Variants in LIMD1 observed in about 807,000 individuals in gnomAD.
LIMD1 encodes the protein LIM domain containing 1.
In LIMD1, 23 loss-of-function variants were observed where a neutral mutation model predicts 58.4. That is an observed-to-expected ratio of 0.39 (90% CI 0.28 to 0.56). The LOEUF is 0.56. Ranked by LOEUF, LIMD1 falls within the 20% of genes least tolerant of loss-of-function variation. LIMD1 has a pLI of 0.57. For missense variants in LIMD1, 838 were observed against 855.5 expected, an observed-to-expected ratio of 0.98 and a Z score of 0.25; for synonymous variants, 334 against 345.5, an observed-to-expected ratio of 0.97 and a Z score of 0.37.
At chr3:45,600,710 C>T (rs916703163) in intron 1 of LIMD1, among the ~76,000 whole-genome samples, 3 of 152,136 alleles carry the variant, frequency 2.0e-5, no homozygotes, top group South Asian at 2.1e-4. Flanking sequence ...TGTGCCCCAC[C>T]GTCTCCTCCA....
At position 45,595,513 on chromosome 3, in the gene LIMD1, C is replaced by T. The variant is rs751011010; in HGVS notation, c.634C>T (p.Pro212Ser). 6.2e-7 allele frequency: 1 copy of T among 1,613,942 alleles called. No individual in the cohort carries two copies. The highest frequency in any genetic ancestry group is 2.2e-5 in the East Asian group (1 of 44,862). ...LSVGSGWPSS[P>S]GSDPPLPKPC... ...TGTAGGGAGTGGGTGGCCTAGCTCC[C>T]CGGGGAGTGACCCACCACTGCCCAA... The change falls in exon 1 of 8, where the codon CCG (proline) becomes TCG (serine). Residue 212 changes from proline to serine, a missense_variant. Pro to Ser is a moderately conservative substitution (Grantham distance 74, BLOSUM62 -1). Transcript: ENST00000273317.
rs955359257 is a variant in LIMD1, at chr3:45,674,280, A to C, written c.1825-63A>C. ...CTCTTCCCTCCCCACCCCACGGTACATCAAGCCCGACAGCCCCCCTAACAG... is the reference window on the plus strand; with the variant it reads ...CTCTTCCCTCCCCACCCCACGGTACCTCAAGCCCGACAGCCCCCCTAACAG... On this transcript the variant is annotated intron_variant, in intron 6 of 7. Coordinates refer to ENST00000273317, the MANE Select transcript of LIMD1 (RefSeq NM_014240.3). 10 of 1,359,478 alleles carry C rather than the reference A, an allele frequency of 7.4e-6. No homozygotes were observed. The African/African-American group carries it at 1.4e-4, about 19-fold the overall frequency. The allele number at this position is 1,359,478 out of a possible 1,614,324, so 84.2% of individuals were successfully genotyped here.
chr3:45,595,813 C>T lies in LIMD1; in HGVS notation c.934C>T (p.Pro312Ser), dbSNP rs761635962. 1.2e-6 allele frequency: 2 copies of T among 1,614,162 alleles called. No individual in the cohort carries two copies. The highest frequency in any genetic ancestry group is 2.2e-5 in the South Asian group (2 of 91,090). ...GAGCTGCCCCAGGCAAGGAGGTCTT[C>T]CAAGATCAAACTCGGGGCTGGGGGG... ...ALSCPRQGGL[P>S]RSNSGLGGEV... is the part of the protein sequence containing the mutation. Residue 312 changes from proline (P) to serine (S), a missense_variant, in exon 1 of 8, where the codon CCA (proline) becomes TCA (serine). This residue lies in a region of LIMD1 where 659 missense variants were observed against 639.8 expected (regional missense o/e 1.03). Coordinates refer to ENST00000273317, the MANE Select transcript of LIMD1 (RefSeq NM_014240.3).
At chr3:45,631,088 C>T (rs1368315855) in intron 1 of LIMD1, among the ~76,000 whole-genome samples, 1 of 152,112 alleles carries the variant, frequency 6.6e-6, no homozygotes, top group African/African-American at 2.4e-5. Flanking sequence ...ACTGTAATCC[C>T]AGCTACTCGG....
chr3:45,649,879 T>G (rs1317480940), intron 2 of LIMD1, among the ~76,000 whole-genome samples: 1 of 148,124 alleles, frequency 6.8e-6, no homozygotes, highest in African/African-American at 2.5e-5. Flanking sequence ...TTCTCCCTTT[T>G]TTTTTTTAAT....
At chr3:45,656,723 G>A (rs916830067) in intron 2 of LIMD1, among the ~76,000 whole-genome samples, 1 of 152,044 alleles carries the variant, frequency 6.6e-6, no homozygotes, top group South Asian at 2.1e-4. Context: ...TCACCATGTT[G>A]GCCAGGATGG....
At chr3:45,663,770 T>G (rs1697473949) in intron 2 of LIMD1, among the ~76,000 whole-genome samples, 1 of 152,022 alleles carries the variant, frequency 6.6e-6, no homozygotes, top group South Asian at 2.1e-4. Context: ...AGTCTTGCTC[T>G]GTTGCCCAGT....
intron 2 of LIMD1, among the ~76,000 whole-genome samples, chr3:45,658,608 T>G (rs1697380517): frequency 7.9e-6 from 1 of 126,834 alleles, no homozygotes; most frequent in Non-Finnish European, 1.6e-5. Flanking sequence ...CAGGCTGGAG[T>G]GCAATGGTGT....
intron 3 of LIMD1, 87 bp downstream of exon 3, chr3:45,665,804 G>T: frequency 4.5e-6 from 5 of 1,110,202 alleles, no homozygotes; most frequent in Non-Finnish European, 6.7e-6. Flanking sequence ...AGCGTGTAGG[G>T]AAGCTGCACT....
At position 45,665,693 on chromosome 3, in the gene LIMD1, A is replaced by C; in HGVS notation, c.1554A>C (p.Lys518Asn). ...AAGCCTTTTATTTTGTCAACGGCAA[A>C]GTGTTTTGTGAAGAAGACTTCCTGG... ...RGKAFYFVNG[K>N]VFCEEDFLYS... The change falls in exon 3 of 8, where the codon AAA (lysine) becomes AAC (asparagine). Residue 518 changes from lysine (K) to asparagine (N), a missense_variant. Transcript: ENST00000273317. 1 of 1,614,110 alleles carries C rather than the reference A, an allele frequency of 6.2e-7. No homozygotes were observed. The highest frequency in any genetic ancestry group is 8.5e-7 in the Non-Finnish European group (1 of 1,180,010).
chr3:45,644,774 G>A (rs1459820711), intron 2 of LIMD1, among the ~76,000 whole-genome samples: 1 of 151,910 alleles, frequency 6.6e-6, no homozygotes, highest in Non-Finnish European at 1.5e-5. Flanking sequence ...GTAGCCATGG[G>A]GCCTTGCCTT....
intron 7 of LIMD1, 49 bp from the exon 8 acceptor site, chr3:45,676,873 T>TG (rs749890897): frequency 6.3e-7 from 1 of 1,599,364 alleles, no homozygotes; most frequent in Non-Finnish European, 8.6e-7. Flanking sequence ...AGGTCAGTCT[T>TG]GCAGTCTGTT....
intron 5 of LIMD1, among the ~76,000 whole-genome samples, 171 bp from the exon 6 acceptor site, chr3:45,673,283 T>C (rs1697618792): frequency 6.6e-6 from 1 of 152,060 alleles, no homozygotes; most frequent in Non-Finnish European, 1.5e-5. Context: ...GGGGAGCAAA[T>C]ACTAAGGCAT....
chr3:45,630,072 T>C (rs1701711610), intron 1 of LIMD1, among the ~76,000 whole-genome samples: 1 of 152,252 alleles, frequency 6.6e-6, no homozygotes, highest in African/African-American at 2.4e-5. Flanking sequence ...CCTTCCTCTC[T>C]TCTCCTAAAA....
At chr3:45,613,666 G>A (rs1357677062) in intron 1 of LIMD1, among the ~76,000 whole-genome samples, 1 of 109,560 alleles carries the variant, frequency 9.1e-6, no homozygotes, top group African/African-American at 3.4e-5. Context: ...TTTTTTGTTT[G>A]TTTTTTTCTT....
chr3:45,677,076 A>G lies in LIMD1; in HGVS notation c.*17A>G, dbSNP rs759609646. ...CACTTCTAGCCAGAGCCACTTGCAG[A>G]CATCACGGCAGGGGATGAGGAGCCG... On this transcript the variant is annotated 3_prime_UTR_variant, in exon 8 of 8. Coordinates refer to ENST00000273317, the MANE Select transcript of LIMD1 (RefSeq NM_014240.3). 2 of 1,609,430 alleles carry G rather than the reference A, an allele frequency of 1.2e-6. No homozygotes were observed. The highest frequency in any genetic ancestry group is 2.2e-5 in the South Asian group (2 of 90,998).
rs1252428072 is a variant in LIMD1 at position 45,596,258 on chromosome 3, T to C, written c.1379T>C (p.Met460Thr). The C allele has an allele frequency of 6.2e-7, 1 of 1,609,492 alleles. No individual in the cohort carries two copies. The change falls in exon 1 of 8, where the codon ATG (methionine) becomes ACG (threonine). Residue 460 changes from methionine (M) to threonine (T), a missense_variant. Met to Thr is a moderately conservative substitution (Grantham distance 81). Around this residue, in one of 3 missense-constraint regions of LIMD1, gnomAD observed 659 missense variants for 639.8 expected, o/e 1.03. Coordinates refer to ENST00000273317, the MANE Select transcript of LIMD1 (RefSeq NM_014240.3). ...CTCACCCAACGTCTGGAGCGAGAGA[T>C]GGATGCTCACCCGAAGGCTGATTAC... ...EALTQRLERE[M>T]DAHPKADYFG...
chr3:45,661,751 G>A (rs1206729996), intron 2 of LIMD1, among the ~76,000 whole-genome samples: 3 of 152,220 alleles, frequency 2.0e-5, no homozygotes, highest in East Asian at 1.9e-4. Context: ...AAAGCATAGG[G>A]TTTTTTGTTG....
At chr3:45,657,881 T>C (rs1033037013) in intron 2 of LIMD1, among the ~76,000 whole-genome samples, 1 of 152,202 alleles carries the variant, frequency 6.6e-6, no homozygotes, top group South Asian at 2.1e-4. Context: ...TCCATGACAT[T>C]GACATGTGAT....
Sources: allele counts gnomAD v4.1 joint callset (sites outside exome capture counted in the v4.1 genomes callset), GRCh38; gene constraint gnomAD v4.1.1; regional missense constraint gnomAD v4.1.1; transcripts MANE v1.5; gene names NCBI Gene and HGNC (gene_info 2026-07-23, HGNC 2026-07-21).